Variants in RIC1 observed in about 807,000 individuals in gnomAD.
RIC1 encodes guanine nucleotide exchange factor subunit RIC1.
Under a neutral mutation model 169.0 loss-of-function variants are expected in RIC1, and 88 were observed. The ratio of observed to expected loss-of-function variants is 0.52; its 90% CI spans 0.44 to 0.62. The LOEUF is 0.62. Among genes scored for constraint, RIC1 ranks in the 20% least tolerant of loss-of-function variants. The pLI, the probability that RIC1 is intolerant of heterozygous loss-of-function variation, is 0.00. For missense variants in RIC1, 1,877 were observed against 1,725.5 expected, an observed-to-expected ratio of 1.09 and a Z score of -1.56; for synonymous variants, 790 against 601.5, an observed-to-expected ratio of 1.31 and a Z score of -4.59.
chr9:5,730,697 C>T (rs150825096), intron 6 of RIC1, among the ~76,000 whole-genome samples: 12 of 152,126 alleles, frequency 7.9e-5, no homozygotes, highest in African/African-American at 2.9e-4. Context: ...GTAGCAATTC[C>T]ACAAGTGTTT....
intron 6 of RIC1, among the ~76,000 whole-genome samples, chr9:5,721,431 A>G (rs1823579765): frequency 6.6e-6 from 1 of 152,152 alleles, no homozygotes; most frequent in Non-Finnish European, 1.5e-5. Context: ...TTGATTACCA[A>G]ACCCCAGCAC....
intron 24 of RIC1, 26 bp from the exon 25 acceptor site, chr9:5,772,866 A>G (rs528246776): frequency 2.5e-6 from 4 of 1,600,092 alleles, no homozygotes; most frequent in African/African-American, 2.7e-5. Context: ...CTTAGCATAA[A>G]TCATTTTGTT....
chr9:5,656,514 A>C (rs1819107183), intron 1 of RIC1, 69 bp from the exon 2 acceptor site: 1 of 674,184 alleles, frequency 1.5e-6, no homozygotes, highest in Admixed American at 3.1e-5. Context: ...TGTTATCTTA[A>C]ATTTTATTTG....
intron 6 of RIC1, among the ~76,000 whole-genome samples, chr9:5,729,160 G>C (rs1824199148): frequency 6.6e-6 from 1 of 152,182 alleles, no homozygotes; most frequent in African/African-American, 2.4e-5. Context: ...CCAAATTCAA[G>C]ATGTGAACCT....
chr9:5,747,644 T>G (rs1825461482), intron 12 of RIC1, 139 bp downstream of exon 12: 2 of 736,334 alleles, frequency 2.7e-6, no homozygotes, highest in Non-Finnish European at 4.5e-6. Flanking sequence ...TCTTCTGCTT[T>G]TCTGTGTTCT....
chr9:5,680,704 T>C (rs965450139), intron 2 of RIC1, among the ~76,000 whole-genome samples: 15 of 152,160 alleles, frequency 9.9e-5, no homozygotes, highest in East Asian at 1.9e-4. Context: ...ATCCCCTTTG[T>C]CATTTTTTAT....
At chr9:5,766,545 T>G (rs138001659) in intron 21 of RIC1, among the ~76,000 whole-genome samples, 2 of 152,218 alleles carry the variant, frequency 1.3e-5, no homozygotes, top group Non-Finnish European at 2.9e-5. Flanking sequence ...ATCATTCTTA[T>G]GCCTTTGCGT....
chr9:5,770,451 C>G (rs967894807), intron 23 of RIC1, among the ~76,000 whole-genome samples, 173 bp downstream of exon 23: 24 of 152,244 alleles, frequency 1.6e-4, no homozygotes, highest in South Asian at 2.1e-4. Context: ...CTTGACTGTA[C>G]TTTGCCATAT....
chr9:5,697,475 A>G (rs1821971805), intron 3 of RIC1, among the ~76,000 whole-genome samples: 1 of 152,210 alleles, frequency 6.6e-6, no homozygotes, highest in African/African-American at 2.4e-5. Context: ...TAAAATGACC[A>G]TCTGTGTGTC....
chr9:5,704,781 TA>T (rs1822461979), intron 3 of RIC1, among the ~76,000 whole-genome samples: 1 of 152,204 alleles, frequency 6.6e-6, no homozygotes, highest in African/African-American at 2.4e-5. Context: ...TATTTTCTTC[TA>T]TTTTTTTAAG....
intron 4 of RIC1, among the ~76,000 whole-genome samples, chr9:5,716,537 C>T (rs534919025): frequency 1.1e-4 from 17 of 152,264 alleles, no homozygotes; most frequent in East Asian, 5.8e-4. Flanking sequence ...TGCTTGAACC[C>T]GGGAGGCAGA....
rs547701811 is a variant in RIC1, at chr9:5,725,145, T to G, written c.720+4395T>G. Among the ~76,000 whole-genome samples, 44 of 152,284 alleles carry G rather than the reference T, an allele frequency of 2.9e-4. 1 individual carries two copies. The highest frequency in any genetic ancestry group is 9.9e-4 in the African/African-American group (41 of 41,578). ...TCAGAAGGAATGGTACCAGTTCCTC[T>G]TTGTACCTCTGATAGAATTTGGCTG... On this transcript the variant is annotated intron_variant, in intron 6 of 25. Coordinates refer to ENST00000414202, the MANE Select transcript of RIC1 (RefSeq NM_020829.4).
chr9:5,770,446 C>G (rs1343707020), intron 23 of RIC1, among the ~76,000 whole-genome samples, 168 bp downstream of exon 23: 2 of 152,184 alleles, frequency 1.3e-5, no homozygotes, highest in African/African-American at 4.8e-5. Context: ...CTGGCCTTGA[C>G]TGTACTTTGC....
At chr9:5,671,136 T>A (rs552272282) in intron 2 of RIC1, among the ~76,000 whole-genome samples, 10 of 152,304 alleles carry the variant, frequency 6.6e-5, no homozygotes, top group Admixed American at 3.3e-4. Context: ...ATTTACACTT[T>A]AGCAGAATTC....
At chr9:5,700,244 C>T (rs1822134679) in intron 3 of RIC1, among the ~76,000 whole-genome samples, 1 of 152,006 alleles carries the variant, frequency 6.6e-6, no homozygotes, top group Non-Finnish European at 1.5e-5. Context: ...TTGTTAGCCC[C>T]AGTTAATCTC....
intron 2 of RIC1, among the ~76,000 whole-genome samples, chr9:5,672,376 A>C (rs1820157965): frequency 6.6e-6 from 1 of 152,230 alleles, no homozygotes; most frequent in Non-Finnish European, 1.5e-5. Flanking sequence ...AAAAATTACT[A>C]AGAACTTTCA....
At chr9:5,671,747 G>T (rs1470681500) in intron 2 of RIC1, among the ~76,000 whole-genome samples, 6 of 152,178 alleles carry the variant, frequency 3.9e-5, no homozygotes, top group African/African-American at 1.4e-4. Flanking sequence ...CTTCTCAGGA[G>T]TATAAACATG....
chr9:5,666,082 G>A (rs949013571), intron 2 of RIC1, among the ~76,000 whole-genome samples: 3 of 152,110 alleles, frequency 2.0e-5, no homozygotes, highest in East Asian at 1.9e-4. Flanking sequence ...GGTATACTCC[G>A]TCCTGGGGGG....
intron 21 of RIC1, among the ~76,000 whole-genome samples, chr9:5,767,482 T>TG (rs1297922070): frequency 6.6e-6 from 1 of 151,618 alleles, no homozygotes; most frequent in Non-Finnish European, 1.5e-5. Context: ...ATATTCTCTT[T>TG]TTTTTTTTTT....
Sources: allele counts gnomAD v4.1 joint callset (sites outside exome capture counted in the v4.1 genomes callset), GRCh38; gene constraint gnomAD v4.1.1; transcripts MANE v1.5; gene names NCBI Gene and HGNC (gene_info 2026-07-23, HGNC 2026-07-21).